Variants in PLXNA4 observed in about 807,000 individuals in gnomAD.
The protein encoded by PLXNA4 is plexin A4.
In PLXNA4, 44 loss-of-function variants were observed where a neutral mutation model predicts 191.8. That is an observed-to-expected ratio of 0.23 (90% CI 0.18 to 0.29). The LOEUF (loss-of-function observed/expected upper bound fraction) is 0.29, where lower values mean the gene tolerates loss of function less well. PLXNA4 is among the 10% of genes least tolerant of loss of function. The pLI, the probability that PLXNA4 is intolerant of heterozygous loss-of-function variation, is 1.00. For synonymous variants in PLXNA4, 1,082 were observed against 1,009.5 expected (o/e 1.07, Z -1.36); for missense variants, 1,800 against 2,488.8 (o/e 0.72, Z 5.89).
At chr7:132,318,661 CTTTTTT>C (rs56179808) in intron 3 of PLXNA4, among the ~76,000 whole-genome samples, 2 of 109,916 alleles carry the variant, frequency 1.8e-5, no homozygotes, top group African/African-American at 7.4e-5. Flanking sequence ...ACGCACTTTG[CTTTTTT>C]TTTTTTTTTT....
intron 3 of PLXNA4, among the ~76,000 whole-genome samples, chr7:132,362,231 G>T (rs1257336042): frequency 6.6e-6 from 1 of 152,196 alleles, no homozygotes; most frequent in East Asian, 1.9e-4. Context: ...TCTTCAATGG[G>T]TTTGCTGTAG....
intron 1 of PLXNA4, among the ~76,000 whole-genome samples, chr7:132,514,469 C>T (rs1034149909): frequency 6.6e-5 from 10 of 152,192 alleles, no homozygotes; most frequent in South Asian, 2.1e-4. Context: ...GGCTGGGCCA[C>T]GGTGCCCAGA....
chr7:132,181,957 C>G (rs3734986), intron 17 of PLXNA4, 140 bp downstream of exon 17: 91,059 of 1,373,238 alleles, frequency 0.066, 5,005 homozygotes, highest in Admixed American at 0.22. Flanking sequence ...TTCCACTATC[C>G]TAGTATTCAA....
intron 2 of PLXNA4, among the ~76,000 whole-genome samples, chr7:132,491,802 T>G (rs1797816333): frequency 6.6e-6 from 1 of 152,040 alleles, no homozygotes; most frequent in East Asian, 1.9e-4. Context: ...TGTTCAAGAT[T>G]TAGTCTGATC....
chr7:132,365,328 C>CGCGT (rs142768008), intron 3 of PLXNA4, among the ~76,000 whole-genome samples: 45 of 143,076 alleles, frequency 3.1e-4, no homozygotes, highest in Admixed American at 1.7e-3. Flanking sequence ...CTACGGCCCG[C>CGCGT]GTGTGTGTGT....
At position 132,508,141 on chromosome 7, in the gene PLXNA4, T is replaced by C; in HGVS notation, c.553A>G (p.Ile185Val). Residue 185 changes from isoleucine (I) to valine (V), a missense_variant, in exon 2 of 32, where the codon ATT becomes GTT. Physicochemically the swap from Ile to Val is conservative, Grantham distance 29 (BLOSUM62 3). Around this residue, in one of 6 missense-constraint regions of PLXNA4, gnomAD observed 1,397 missense variants for 1,880.4 expected, o/e 0.74. Transcript: ENST00000321063. The surrounding 1 kb of genome is among the most constrained non-coding windows in gnomAD (Gnocchi z 4.4). Reference protein sequence around the residue: ...SYSNLDDKLFIATAVDGKPEY... With the variant: ...SYSNLDDKLFVATAVDGKPEY... Reference sequence around the variant, plus strand: ...GGCTTCCCATCCACTGCCGTGGCAATGAACAGCTTGTCATCCAGGTTGCTG... The same window carrying C: ...GGCTTCCCATCCACTGCCGTGGCAACGAACAGCTTGTCATCCAGGTTGCTG... The C allele has an allele frequency of 1.9e-6, 3 of 1,614,182 alleles. No homozygotes were observed. The highest frequency in any genetic ancestry group is 1.1e-5 in the South Asian group (1 of 91,076).
intron 3 of PLXNA4, among the ~76,000 whole-genome samples, chr7:132,355,867 A>G (rs1803681917): frequency 6.6e-6 from 1 of 152,076 alleles, no homozygotes; most frequent in Non-Finnish European, 1.5e-5. Context: ...TGTAAAGTGT[A>G]CGAGGAGGTA....
intron 4 of PLXNA4, among the ~76,000 whole-genome samples, chr7:132,287,857 A>G (rs1199352072): frequency 6.6e-6 from 1 of 152,106 alleles, no homozygotes; most frequent in African/African-American, 2.4e-5. Context: ...GGCTACAACA[A>G]AGGAGAAGTA....
At chr7:132,174,599 C>T (rs946084454) in intron 21 of PLXNA4, among the ~76,000 whole-genome samples, 179 bp downstream of exon 21, 1 of 152,218 alleles carries the variant, frequency 6.6e-6, no homozygotes, top group Non-Finnish European at 1.5e-5. Flanking sequence ...CTCCAAGGTT[C>T]CCTGGCTTGG....
intron 3 of PLXNA4, among the ~76,000 whole-genome samples, chr7:132,370,197 A>G (rs1179592155): frequency 2.6e-5 from 4 of 152,174 alleles, no homozygotes; most frequent in African/African-American, 9.7e-5. Context: ...TCCCAGTCTT[A>G]GCTCTGAGTG....
chr7:132,256,486 C>T (rs1799435644), intron 4 of PLXNA4, among the ~76,000 whole-genome samples: 1 of 152,058 alleles, frequency 6.6e-6, no homozygotes, highest in South Asian at 2.1e-4. Context: ...GAGTTGTGGG[C>T]CACCCCTCAG....
At chr7:132,549,389 T>G (rs1482491211) in intron 1 of PLXNA4, among the ~76,000 whole-genome samples, 1 of 152,114 alleles carries the variant, frequency 6.6e-6, no homozygotes, top group East Asian at 1.9e-4. Context: ...CTCACACCCT[T>G]GAGGTGTCTT....
chr7:132,203,263 CTTCCCTCTCTACCCCATCCCT>C, intron 11 of PLXNA4, 39 bp downstream of exon 11: 1 of 1,493,746 alleles, frequency 6.7e-7, no homozygotes, highest in Non-Finnish European at 9.3e-7. Context: ...AGGACGGCTC[CTTCCCTCTCTACCCCATCCCT>C]TCCCCTCCCT....
intron 1 of PLXNA4, among the ~76,000 whole-genome samples, chr7:132,510,444 G>A (rs989787432): frequency 7.2e-6 from 1 of 138,972 alleles, no homozygotes; most frequent in Non-Finnish European, 1.6e-5. Context: ...GAAAGCCAAG[G>A]GCCTTCATTC....
chr7:132,348,733 A>G (rs1803353899), intron 3 of PLXNA4, among the ~76,000 whole-genome samples: 1 of 152,226 alleles, frequency 6.6e-6, no homozygotes, highest in South Asian at 2.1e-4. Context: ...GCCAGGGGAC[A>G]TCTGGACACT....
chr7:132,211,215 C>T (rs1797790575), intron 9 of PLXNA4, 72 bp from the exon 10 acceptor site: 10 of 1,454,330 alleles, frequency 6.9e-6, no homozygotes, highest in South Asian at 6.3e-5. Context: ...GCAGACATAA[C>T]CCGGATGTTC....
Position 132,153,092 on chromosome 7 carries a change from G to A in PLXNA4, c.4661-4446C>T, listed in dbSNP as rs1480556402. On this transcript the variant is annotated intron_variant, in intron 25 of 31. Coordinates refer to ENST00000321063, the MANE Select transcript of PLXNA4 (RefSeq NM_020911.2). Reference sequence around the variant, plus strand: ...GCTGTGCAAGAGCCTGCTGGTCAGGGCAGGGGTGAGACAGGGAAGAGGAGC... The same window carrying A: ...GCTGTGCAAGAGCCTGCTGGTCAGGACAGGGGTGAGACAGGGAAGAGGAGC... Among the ~76,000 whole-genome samples the A allele has an allele frequency of 2.0e-5, 3 of 152,308 alleles. No individual in the cohort carries two copies. The East Asian group carries it at 5.8e-4, about 29-fold the overall frequency.
At chr7:132,642,567 T>G (rs1046010322) in intron 2 of PLXNA4, among the ~76,000 whole-genome samples, 2 of 151,762 alleles carry the variant, frequency 1.3e-5, no homozygotes, top group Non-Finnish European at 2.9e-5. Flanking sequence ...CAGACAGACT[T>G]GAAGTTGAGG....
chr7:132,151,591 A>G (rs146679458), intron 25 of PLXNA4, among the ~76,000 whole-genome samples: 1 of 23,580 alleles, frequency 4.2e-5, no homozygotes, highest in South Asian at 2.3e-3. Context: ...AGGAGGAGAA[A>G]GGAGGAGAGG....
Sources: allele counts gnomAD v4.1 joint callset (sites outside exome capture counted in the v4.1 genomes callset), GRCh38; gene constraint gnomAD v4.1.1; regional missense constraint gnomAD v4.1.1; non-coding constraint Gnocchi (gnomAD v3.1); transcripts MANE v1.5; gene names NCBI Gene and HGNC (gene_info 2026-07-23, HGNC 2026-07-21).